Variants in SPATA31A6 observed in about 807,000 individuals in gnomAD.
The protein encoded by SPATA31A6 is spermatogenesis-associated protein 31A6.
SPATA31A6 carries 9 observed loss-of-function variants against 11.9 expected under a neutral mutation model. That is an observed-to-expected ratio of 0.76 (90% confidence interval 0.46 to 1.32). SPATA31A6 has a LOEUF of 1.32. Among genes scored for constraint, SPATA31A6 ranks in the 40% most tolerant of loss-of-function variants. The pLI is 0.00. For missense variants in SPATA31A6, 855 were observed against 1,467.3 expected (o/e 0.58, Z 6.82); for synonymous variants, 314 against 572.1 (o/e 0.55, Z 6.44).
chr9:42,186,888 C>A lies in SPATA31A6; in HGVS notation c.1186C>A (p.Gln396Lys). 6.5e-7 allele frequency: 1 copy of A among 1,537,826 alleles called. No homozygotes were observed. Among genetic ancestry groups the A allele is most frequent in the Non-Finnish European group, 8.8e-7 (1 of 1,142,406 alleles). Reference protein sequence around the residue: ...GENSKQLPGPQKCSDPRLLQE... With the variant: ...GENSKQLPGPKKCSDPRLLQE... Reference sequence around the variant, plus strand: ...GAACTCGAAACAGCTGCCCGGACCTCAGAAGTGCTCAGATCCTAGGCTCTT... The same window carrying A: ...GAACTCGAAACAGCTGCCCGGACCTAAGAAGTGCTCAGATCCTAGGCTCTT... Residue 396 changes from glutamine (Q) to lysine (K), a missense_variant, in exon 4 of 4, where the codon CAG becomes AAG. Gln to Lys is a moderately conservative substitution (Grantham distance 53). Transcript: ENST00000332857.
rs1463142348 is a variant in SPATA31A6, at chr9:42,189,285, G to A, written c.3583G>A (p.Val1195Met). The stretch of plus-strand genomic sequence containing the variant: ...AAAAACAGTAAAAAACAGATCATGT[G>A]TGTACAGCAGCAGTGCTGAAGCTCA... ...SQKTVKNRSC[V>M]YSSSAEAQGL... The change falls in exon 4 of 4, where the codon GTG becomes ATG. Residue 1195 changes from valine to methionine, a missense_variant. Coordinates refer to ENST00000332857, the MANE Select transcript of SPATA31A6 (RefSeq NM_001145196.1). 7 of 1,560,416 alleles carry A rather than the reference G, an allele frequency of 4.5e-6. No homozygotes were observed. The highest frequency in any genetic ancestry group is 6.1e-6 in the Non-Finnish European group (7 of 1,150,660).
rs535632296 is a variant in SPATA31A6 at position 42,187,609 on chromosome 9, C to T, written c.1907C>T (p.Pro636Leu). The change falls in exon 4 of 4, where the codon CCC becomes CTC. Residue 636 changes from proline to leucine, a missense_variant. Pro to Leu is a moderately conservative substitution (Grantham distance 98, BLOSUM62 -3). Coordinates refer to ENST00000332857, the MANE Select transcript of SPATA31A6 (RefSeq NM_001145196.1). Reference sequence around the variant, plus strand: ...GGGACAAGTCAGGCCAAGGGCAAACCCAGTCCCTGGCAGTCCTCCACGTCC... The same window carrying T: ...GGGACAAGTCAGGCCAAGGGCAAACTCAGTCCCTGGCAGTCCTCCACGTCC... ...SPGTSQAKGKPSPWQSSTSTG... is the reference protein window; with the variant it reads ...SPGTSQAKGKLSPWQSSTSTG... The T allele has an allele frequency of 4.4e-5, 55 of 1,237,910 alleles. 19 individuals are homozygous for T. The African/African-American group carries it at 8.2e-4, about 19-fold the overall frequency. The allele number at this position is 1,237,910 out of a possible 1,614,324, so 76.7% of individuals were successfully genotyped here.
chr9:42,186,443 G>A lies in SPATA31A6; in HGVS notation c.741G>A (p.Leu247=), dbSNP rs2118852623. Reference sequence around the variant, plus strand: ...ACTGTGACTCAGTGGCACTTCCACTGGGCACCGTCCCTCAAAGCTTGTCTC... The same window carrying A: ...ACTGTGACTCAGTGGCACTTCCACTAGGCACCGTCCCTCAAAGCTTGTCTC... ...PSHCDSVALP[L]GTVPQSLSPH... The change falls in exon 4 of 4, where the codon CTG becomes CTA. Residue 247 remains leucine (L), a synonymous_variant. Transcript: ENST00000332857. The A allele has an allele frequency of 1.3e-6, 2 of 1,484,642 alleles. No individual in the cohort carries two copies. The highest frequency in any genetic ancestry group is 3.6e-5 in the African/African-American group (2 of 55,448). The allele number at this position is 1,484,642 out of a possible 1,614,324, so 92.0% of individuals were successfully genotyped here.
At chr9:42,184,023 G>C in intron 1 of SPATA31A6, 147 bp downstream of exon 1, 1 of 1,351,918 alleles carries the variant, frequency 7.4e-7, no homozygotes, top group East Asian at 2.6e-5. Flanking sequence ...GGAGAGGCAG[G>C]GCAGCCAGGG....
chr9:42,187,600 A>T lies in SPATA31A6; in HGVS notation c.1898A>T (p.Lys633Met), dbSNP rs1256493381. The T allele has an allele frequency of 8.0e-7, 1 of 1,243,362 alleles. No homozygotes were observed. The highest frequency in any genetic ancestry group is 1.3e-5 in the South Asian group (1 of 75,616). The allele number at this position is 1,243,362 out of a possible 1,614,324, so 77.0% of individuals were successfully genotyped here. A position where few individuals can be genotyped will look rare whatever the true frequency, so the allele number is the denominator to read the frequency against. The change falls in exon 4 of 4, where the codon AAG becomes ATG. Residue 633 changes from lysine to methionine, a missense_variant. Lys to Met is a moderately conservative substitution (Grantham distance 95). Coordinates refer to ENST00000332857, the MANE Select transcript of SPATA31A6 (RefSeq NM_001145196.1). ...RDESPGTSQA[K>M]GKPSPWQSST... The stretch of plus-strand genomic sequence containing the variant: ...GAATCACCAGGGACAAGTCAGGCCA[A>T]GGGCAAACCCAGTCCCTGGCAGTCC...
At chr9:42,184,279 C>T (rs2257479) in intron 1 of SPATA31A6, among the ~76,000 whole-genome samples, 48,641 of 122,322 alleles carry the variant, frequency 0.4, 13,097 homozygotes, top group East Asian at 0.67. Flanking sequence ...GCTGGGCCCC[C>T]GAGGGCCTCC....
At position 42,185,497 on chromosome 9, in the gene SPATA31A6, T is replaced by G; in HGVS notation, c.248-198T>G. 2 of 950,050 alleles carry G rather than the reference T, an allele frequency of 2.1e-6. 1 individual carries two copies. The highest frequency in any genetic ancestry group is 3.1e-6 in the Non-Finnish European group (2 of 638,532). The allele number at this position is 950,050 out of a possible 1,614,324, so 58.9% of individuals were successfully genotyped here. On this transcript the variant is annotated intron_variant, in intron 2 of 3. Coordinates refer to ENST00000332857, the MANE Select transcript of SPATA31A6 (RefSeq NM_001145196.1). ...GGACTGTGGGGGTGGGGGGTCCGTG[T>G]GTGGAAGCCTGTTGTGAATGAAAAA...
chr9:42,184,885 G>T (rs570030196), intron 1 of SPATA31A6, 184 bp from the exon 2 acceptor site: 1 of 752,606 alleles, frequency 1.3e-6, no homozygotes, highest in African/African-American at 2.3e-5. Context: ...AACATGAGTG[G>T]GAGGAAGCAC....
Position 42,189,652 on chromosome 9 carries a change from C to A in SPATA31A6, c.3950C>A (p.Pro1317His), listed in dbSNP as rs766469266. 6.4e-7 allele frequency: 1 copy of A among 1,554,462 alleles called. No individual in the cohort carries two copies. The highest frequency in any genetic ancestry group is 8.7e-7 in the Non-Finnish European group (1 of 1,153,526). ...AAAGCTGTATCCCCAGTCAGTCCCC[C>A]TCAGCACTGGCCGAAGACATCCGGT... ...PKKAVSPVSP[P>H]QHWPKTSGAS... Residue 1317 changes from proline to histidine, a missense_variant, in exon 4 of 4, where the codon CCT (proline) becomes CAT (histidine). Coordinates refer to ENST00000332857, the MANE Select transcript of SPATA31A6 (RefSeq NM_001145196.1).
Position 42,186,746 on chromosome 9 carries a change from A to T in SPATA31A6, c.1044A>T (p.Gly348=). The stretch of plus-strand genomic sequence containing the variant: ...TTTGGGAAGAAAAAGAAAATGTTGG[A>T]TCATTTACAAATCAAATGACCCCAG... ...VNIWEEKENV[G]SFTNQMTPEK... is the part of the protein sequence containing the mutation. Residue 348 remains glycine, a synonymous_variant, in exon 4 of 4, where the codon GGA becomes GGT. Transcript: ENST00000332857. 1 of 1,529,442 alleles carries T rather than the reference A, an allele frequency of 6.5e-7. No homozygotes were observed. Among genetic ancestry groups the T allele is most frequent in the Non-Finnish European group, 8.8e-7 (1 of 1,138,134 alleles). 94.7% of individuals were successfully genotyped at this position (1,529,442 alleles called of 1,614,324 possible). A position where few individuals can be genotyped will look rare whatever the true frequency, so the allele number is the denominator to read the frequency against.
In SPATA31A6 at chr9:42,183,678, G is replaced by T. The variant is rs746198291; in HGVS notation, c.-10G>T. The stretch of plus-strand genomic sequence containing the variant: ...GAGCTCAGTTGCTTGAAAGCAACGT[G>T]CCTATTCACATGGAGAATCTTCCCT... On this transcript the variant is annotated 5_prime_UTR_variant, in exon 1 of 4. Transcript: ENST00000332857. 1.3e-6 allele frequency: 2 copies of T among 1,529,996 alleles called. No individual in the cohort carries two copies. Among genetic ancestry groups the T allele is most frequent in the African/African-American group, 1.6e-5 (1 of 61,634 alleles). 94.8% of individuals were successfully genotyped at this position (1,529,996 alleles called of 1,614,324 possible).
At position 42,184,249 on chromosome 9, in the gene SPATA31A6, TG is replaced by T. The variant is rs1829400570; in HGVS notation, c.189+377del. ...GGCTCAGGGCCCAGCCTCCCCTGTG[TG>T]GGGTGATCTGGGGCCTGTGCTGGGC... is the stretch of plus-strand genomic sequence containing the variant. On this transcript the variant is annotated intron_variant, in intron 1 of 3. Coordinates refer to ENST00000332857, the MANE Select transcript of SPATA31A6 (RefSeq NM_001145196.1). 2.2e-5 allele frequency among the ~76,000 whole-genome samples: 3 copies of T among 134,304 alleles called. 1 individual carries two copies. The East Asian group carries it at 7.1e-4, about 32-fold the overall frequency. 88.1% of individuals were successfully genotyped at this position (134,304 alleles called of 152,430 possible). A position where few individuals can be genotyped will look rare whatever the true frequency, so the allele number is the denominator to read the frequency against.
chr9:42,185,907 G>T, intron 3 of SPATA31A6, 104 bp from the exon 4 acceptor site: 2 of 1,490,542 alleles, frequency 1.3e-6, no homozygotes, highest in Non-Finnish European at 1.8e-6. Flanking sequence ...GGAGAATTGG[G>T]CAATCAGGGT....
rs1463907635 is a variant in SPATA31A6, at chr9:42,185,593, G to A, written c.248-102G>A. The stretch of plus-strand genomic sequence containing the variant: ...TTGGACACAGATGGGTGGGGTCCAG[G>A]GTCTAATTCCCCATGGTCCTCCCTA... On this transcript the variant is annotated intron_variant, in intron 2 of 3. Transcript: ENST00000332857. 2.3e-5 allele frequency: 29 copies of A among 1,246,974 alleles called. 4 individuals carry two copies. Among genetic ancestry groups the A allele is most frequent in the Non-Finnish European group, 3.0e-5 (27 of 887,600 alleles). 77.2% of individuals were successfully genotyped at this position (1,246,974 alleles called of 1,614,324 possible). A position where few individuals can be genotyped will look rare whatever the true frequency, so the allele number is the denominator to read the frequency against.
chr9:42,187,695 C>A lies in SPATA31A6; in HGVS notation c.1993C>A (p.Pro665Thr). The A allele has an allele frequency of 6.6e-7, 1 of 1,520,582 alleles. No homozygotes were observed. The highest frequency in any genetic ancestry group is 8.9e-7 in the Non-Finnish European group (1 of 1,129,450). 94.2% of individuals were successfully genotyped at this position (1,520,582 alleles called of 1,614,324 possible). ...GTTCCAGCTAGAGAGGGACCTGTGCCCACATCTGGGGCAAATTCTGGGTGA... is the reference window on the plus strand; with the variant it reads ...GTTCCAGCTAGAGAGGGACCTGTGCACACATCTGGGGCAAATTCTGGGTGA... ...VKFQLERDLC[P>T]HLGQILGETP... The change falls in exon 4 of 4, where the codon CCA (proline) becomes ACA (threonine). Residue 665 changes from proline to threonine, a missense_variant. Pro to Thr is a conservative substitution (Grantham distance 38). Transcript: ENST00000332857.
rs754287397 is a variant in SPATA31A6, at chr9:42,186,747, T to A, written c.1045T>A (p.Ser349Thr). 1.5e-5 allele frequency: 23 copies of A among 1,529,044 alleles called. 2 individuals carry two copies. The South Asian group carries it at 2.4e-4, about 16-fold the overall frequency. The allele number at this position is 1,529,044 out of a possible 1,614,324, so 94.7% of individuals were successfully genotyped here. The change falls in exon 4 of 4, where the codon TCA becomes ACA. Residue 349 changes from serine (S) to threonine (T), a missense_variant. Coordinates refer to ENST00000332857, the MANE Select transcript of SPATA31A6 (RefSeq NM_001145196.1). The part of the protein sequence containing the change: ...NIWEEKENVG[S>T]FTNQMTPEKH... ...TTGGGAAGAAAAAGAAAATGTTGGA[T>A]CATTTACAAATCAAATGACCCCAGA...
At chr9:42,183,962 A>C in intron 1 of SPATA31A6, 86 bp downstream of exon 1, 1 of 1,506,052 alleles carries the variant, frequency 6.6e-7, no homozygotes, top group Non-Finnish European at 8.9e-7. Flanking sequence ...TCCAGTGGAG[A>C]GCCTTCTATG....
chr9:42,187,287 C>A lies in SPATA31A6; in HGVS notation c.1585C>A (p.Gln529Lys), dbSNP rs1440424338. ...VACPASQNKV[Q>K]ALSLPETQHP... Reference sequence around the variant, plus strand: ...TTGCCCTGCATCGCAGAATAAAGTGCAAGCTCTCTCCCTACCTGAAACTCA... The same window carrying A: ...TTGCCCTGCATCGCAGAATAAAGTGAAAGCTCTCTCCCTACCTGAAACTCA... The change falls in exon 4 of 4, where the codon CAA becomes AAA. Residue 529 changes from glutamine (Q) to lysine (K), a missense_variant. Coordinates refer to ENST00000332857, the MANE Select transcript of SPATA31A6 (RefSeq NM_001145196.1). 9 of 1,541,024 alleles carry A rather than the reference C, an allele frequency of 5.8e-6. 1 individual carries two copies. In the African/African-American group the frequency reaches 9.3e-5, roughly 16 times the overall value.
chr9:42,187,601 G>A lies in SPATA31A6; in HGVS notation c.1899G>A (p.Lys633=), dbSNP rs1238281935. 1 of 1,243,828 alleles carries A rather than the reference G, an allele frequency of 8.0e-7. No individual in the cohort carries two copies. The highest frequency in any genetic ancestry group is 1.9e-5 in the African/African-American group (1 of 52,430). The allele number at this position is 1,243,828 out of a possible 1,614,324, so 77.0% of individuals were successfully genotyped here. A position where few individuals can be genotyped will look rare whatever the true frequency, so the allele number is the denominator to read the frequency against. ...RDESPGTSQA[K]GKPSPWQSST... ...AATCACCAGGGACAAGTCAGGCCAA[G>A]GGCAAACCCAGTCCCTGGCAGTCCT... The change falls in exon 4 of 4, where the codon AAG becomes AAA. Residue 633 remains lysine, a synonymous_variant. Coordinates refer to ENST00000332857, the MANE Select transcript of SPATA31A6 (RefSeq NM_001145196.1).
Sources: allele counts gnomAD v4.1 joint callset (sites outside exome capture counted in the v4.1 genomes callset), GRCh38; gene constraint gnomAD v4.1.1; transcripts MANE v1.5; gene names NCBI Gene and HGNC (gene_info 2026-07-23, HGNC 2026-07-21).